Variants in KIF2A observed in about 807,000 individuals in gnomAD.
The protein encoded by KIF2A is kinesin-like protein KIF2A.
In KIF2A, 22 loss-of-function variants were observed where a neutral mutation model predicts 100.2. The observed-to-expected ratio is 0.22, with a 90% CI of 0.16 to 0.31. The LOEUF (loss-of-function observed/expected upper bound fraction) is 0.31. Ranked by LOEUF, KIF2A falls within the 10% of genes least tolerant of loss-of-function variation. The probability of loss-of-function intolerance (pLI) is 1.00; values close to 1 mark genes in which losing one functional copy is unlikely to be tolerated. For synonymous variants in KIF2A, 268 were observed against 285.9 expected, an observed-to-expected ratio of 0.94 and a Z score of 0.63; for missense variants, 495 against 898.7, an observed-to-expected ratio of 0.55 and a Z score of 5.74.
At position 62,306,720 on chromosome 5, in the gene KIF2A, G is replaced by A. The variant is rs532637851; in HGVS notation, c.64+184G>A. ...AGGCCGGCTTGGGGTCCGCCCGGGC[G>A]CTGCTGCAGTTCTCCGGATCGGGCC... On this transcript the variant is annotated intron_variant, in intron 1 of 20. Transcript: ENST00000407818. Among the ~76,000 whole-genome samples, 673 of 152,224 alleles carry A rather than the reference G, an allele frequency of 4.4e-3. 1 individual carries two copies. Among genetic ancestry groups the A allele is most frequent in the Non-Finnish European group, 7.9e-3 (536 of 67,996 alleles).
intron 4 of KIF2A, among the ~76,000 whole-genome samples, chr5:62,351,349 A>G (rs1747847571): frequency 1.3e-5 from 2 of 152,178 alleles, no homozygotes; most frequent in Non-Finnish European, 2.9e-5. Context: ...CGAGAAGAAT[A>G]TTATGAGAAA....
In KIF2A at chr5:62,377,749, G is replaced by A. The variant is rs1320818197; in HGVS notation, c.2000G>A (p.Arg667Lys). The change falls in exon 19 of 21, where the codon AGG (arginine) becomes AAG (lysine). Residue 667 changes from arginine (R) to lysine (K), a missense_variant. Arg to Lys is a conservative substitution (Grantham distance 26). This residue lies in a region of KIF2A where 58 missense variants were observed against 94.8 expected (regional missense o/e 0.61). Transcript: ENST00000407818. ...GAAGAACAAGTTGTAGAAGATCACA[G>A]GGCAGTGTTCCAGGTAAAGTAAGAC... ...EMEEQVVEDHRAVFQESIRWL... is the reference protein window; with the variant it reads ...EMEEQVVEDHKAVFQESIRWL... 2 of 1,535,276 alleles carry A rather than the reference G, an allele frequency of 1.3e-6. No individual in the cohort carries two copies. Among genetic ancestry groups the A allele is most frequent in the Non-Finnish European group, 1.8e-6 (2 of 1,132,964 alleles).
chr5:62,389,106 AACGG>A lies in KIF2A; in HGVS notation c.*3538_*3541del. ...ACTGAAAAGCTAATTTGTAGCACAT[AACGG>A]TATATAGTTCTATACCATTAATACT... On this transcript the variant is annotated 3_prime_UTR_variant, in exon 21 of 21. Transcript: ENST00000407818. 2 of 1,482,428 alleles carry A rather than the reference AACGG, an allele frequency of 1.3e-6. No individual in the cohort carries two copies. The highest frequency in any genetic ancestry group is 3.6e-5 in the Admixed American group (2 of 55,486). The allele number at this position is 1,482,428 out of a possible 1,614,324, so 91.8% of individuals were successfully genotyped here.
chr5:62,337,310 GGT>G (rs1747013398), intron 1 of KIF2A, among the ~76,000 whole-genome samples: 1 of 152,038 alleles, frequency 6.6e-6, no homozygotes, highest in Admixed American at 6.6e-5. Context: ...TGGCCAGCGT[GGT>G]GAAACCCCCT....
intron 12 of KIF2A, among the ~76,000 whole-genome samples, 191 bp downstream of exon 12, chr5:62,362,732 T>C (rs561717165): frequency 6.6e-6 from 1 of 152,340 alleles, no homozygotes; most frequent in Non-Finnish European, 1.5e-5. Context: ...TAAAAAGTCC[T>C]TTGAAACTTT....
At chr5:62,369,717 T>C (rs1367942206) in intron 16 of KIF2A, among the ~76,000 whole-genome samples, 1 of 152,168 alleles carries the variant, frequency 6.6e-6, no homozygotes, top group Non-Finnish European at 1.5e-5. Context: ...TCCTCCTTTA[T>C]ACTAAATCTG....
chr5:62,364,962 A>C (rs1425282848), intron 14 of KIF2A, among the ~76,000 whole-genome samples: 1 of 152,158 alleles, frequency 6.6e-6, no homozygotes, highest in African/African-American at 2.4e-5. Context: ...TCGTGGTAGC[A>C]GGCGCCTGTT....
intron 1 of KIF2A, among the ~76,000 whole-genome samples, chr5:62,344,881 T>G (rs1017720034): frequency 6.6e-6 from 1 of 152,236 alleles, no homozygotes; most frequent in Non-Finnish European, 1.5e-5. Context: ...CTTAACATCC[T>G]CACTATTTGA....
intron 1 of KIF2A, among the ~76,000 whole-genome samples, chr5:62,330,025 G>A (rs907037976): frequency 6.6e-6 from 1 of 152,100 alleles, no homozygotes; most frequent in Admixed American, 6.6e-5. Flanking sequence ...ACAATTGATT[G>A]GAACCACTAT....
chr5:62,333,498 CTG>C (rs1009447505), intron 1 of KIF2A, among the ~76,000 whole-genome samples: 2 of 152,192 alleles, frequency 1.3e-5, no homozygotes, highest in African/African-American at 4.8e-5. Flanking sequence ...GGCTTTCAAT[CTG>C]TGCAAGTTTA....
intron 4 of KIF2A, 146 bp from the exon 5 acceptor site, chr5:62,352,442 T>C (rs563908889): frequency 2.0e-6 from 1 of 507,126 alleles, no homozygotes; most frequent in Non-Finnish European, 3.5e-6. Flanking sequence ...AACTATATTA[T>C]ATTTTACATA....
At chr5:62,382,547 A>T (rs763497199) in intron 20 of KIF2A, among the ~76,000 whole-genome samples, 1 of 152,078 alleles carries the variant, frequency 6.6e-6, no homozygotes, top group Admixed American at 6.6e-5. Context: ...TTGAACAAGA[A>T]GTGTTTTGGA....
intron 1 of KIF2A, among the ~76,000 whole-genome samples, chr5:62,329,620 G>A (rs995932940): frequency 6.6e-6 from 1 of 152,220 alleles, no homozygotes; most frequent in South Asian, 2.1e-4. Context: ...ATGTGTGACT[G>A]TTAGTGTAGT....
chr5:62,348,112 G>A lies in KIF2A; in HGVS notation c.224G>A (p.Ser75Asn). 2 of 1,613,790 alleles carry A rather than the reference G, an allele frequency of 1.2e-6. No individual in the cohort carries two copies. The highest frequency in any genetic ancestry group is 2.2e-5 in the South Asian group (2 of 91,076). The change falls in exon 3 of 21, where the codon AGT becomes AAT. Residue 75 changes from serine (S) to asparagine (N), a missense_variant. Physicochemically the swap from Ser to Asn is conservative, Grantham distance 46. Transcript: ENST00000407818. ...GTTCCTGATGAAGAAATTGAACCCA[G>A]TCCAGAAACACCTCCACCTCCAGCA... ...DLVPDEEIEP[S>N]PETPPPPASS...
chr5:62,306,391 CA>C lies in KIF2A; in HGVS notation c.-81del. On this transcript the variant is annotated 5_prime_UTR_variant, in exon 1 of 21. Transcript: ENST00000407818. ...GGCCGCGGGCAACCGCTCCCCCTCC[CA>C]CACCTACCCCGCCCCCTCCCCGCCT... 3 of 889,764 alleles carry C rather than the reference CA, an allele frequency of 3.4e-6. No homozygotes were observed. The highest frequency in any genetic ancestry group is 3.0e-5 in the East Asian group (1 of 33,056). 55.1% of individuals were successfully genotyped at this position (889,764 alleles called of 1,614,324 possible). A position where few individuals can be genotyped will look rare whatever the true frequency, so the allele number is the denominator to read the frequency against.
At chr5:62,326,327 T>C (rs1746378002) in intron 1 of KIF2A, among the ~76,000 whole-genome samples, 1 of 152,186 alleles carries the variant, frequency 6.6e-6, no homozygotes, top group South Asian at 2.1e-4. Context: ...AATAGAAATC[T>C]TATTGATAAT....
chr5:62,358,025 T>C, intron 8 of KIF2A, 112 bp from the exon 9 acceptor site: 1 of 795,054 alleles, frequency 1.3e-6, no homozygotes. Context: ...ATTATCTTTA[T>C]ATGTACAGAA....
At chr5:62,340,715 ATTAC>A (rs1747251916) in intron 1 of KIF2A, among the ~76,000 whole-genome samples, 2 of 152,042 alleles carry the variant, frequency 1.3e-5, no homozygotes, top group Non-Finnish European at 1.5e-5. Context: ...TGTTTCTCTT[ATTAC>A]TTAACACCTT....
At chr5:62,335,105 A>G (rs569952264) in intron 1 of KIF2A, among the ~76,000 whole-genome samples, 1 of 152,274 alleles carries the variant, frequency 6.6e-6, no homozygotes, top group African/African-American at 2.4e-5. Flanking sequence ...AACTTGACCC[A>G]CCACTGCTCC....
Sources: allele counts gnomAD v4.1 joint callset (sites outside exome capture counted in the v4.1 genomes callset), GRCh38; gene constraint gnomAD v4.1.1; regional missense constraint gnomAD v4.1.1; transcripts MANE v1.5; gene names NCBI Gene and HGNC (gene_info 2026-07-23, HGNC 2026-07-21).